The following SLC45A1 variants were observed in gnomAD, a reference collection of about 807,000 sequenced individuals.
SLC45A1 encodes the protein proton-associated sugar transporter A.
A neutral mutation model predicts 57.6 loss-of-function variants in SLC45A1; 28 were observed. That is an observed-to-expected ratio of 0.49 (90% CI 0.36 to 0.67). The LOEUF (loss-of-function observed/expected upper bound fraction) is 0.67, where lower values mean the gene tolerates loss of function less well. Ranked by LOEUF, SLC45A1 falls within the 30% of genes least tolerant of loss-of-function variation. The pLI, the probability that SLC45A1 is intolerant of heterozygous loss-of-function variation, is 0.00. For synonymous variants in SLC45A1, 459 were observed against 471.5 expected (o/e 0.97, Z 0.34); for missense variants, 814 against 1,041.5 (o/e 0.78, Z 3.01).
intron 1 of SLC45A1, 52 bp from the exon 2 acceptor site, chr1:8,324,248 TGGGGGA>T: frequency 6.8e-7 from 1 of 1,460,518 alleles, no homozygotes; most frequent in South Asian, 1.3e-5. Context: ...ACTCAAATGT[TGGGGGA>T]GGACTACCCA....
intron 1 of SLC45A1, among the ~76,000 whole-genome samples, chr1:8,319,455 C>T (rs541758262): frequency 4.6e-5 from 7 of 152,224 alleles, no homozygotes; most frequent in South Asian, 2.1e-4. Context: ...AATCATTTGC[C>T]GCTTAAACTT....
chr1:8,330,378 G>T lies in SLC45A1; in HGVS notation c.885G>T (p.Pro295=), dbSNP rs547186750. 6.2e-7 allele frequency: 1 copy of T among 1,612,934 alleles called. No homozygotes were observed. The highest frequency in any genetic ancestry group is 8.5e-7 in the Non-Finnish European group (1 of 1,179,958). The change falls in exon 5 of 9, where the codon CCG becomes CCT. Residue 295 remains proline (P), a synonymous_variant. Transcript: ENST00000471889. This position sits in a 1 kb window ranked among gnomAD's most constrained non-coding sequence, Gnocchi z 8.4. ...LVSIPERPLR[P]PSEKRAAMKS... ...GCATCCCTGAGAGGCCGCTGCGGCC[G>T]CCGAGTGAGAAGCGGGCAGCCATGA...
chr1:8,333,801 G>A (rs1160824675), intron 5 of SLC45A1, among the ~76,000 whole-genome samples: 3 of 152,174 alleles, frequency 2.0e-5, no homozygotes, highest in African/African-American at 7.2e-5. Context: ...GTGTGGCCGG[G>A]GTGTCTTCAC....
At chr1:8,329,498 G>A (rs911154814) in intron 4 of SLC45A1, among the ~76,000 whole-genome samples, 1 of 152,252 alleles carries the variant, frequency 6.6e-6, no homozygotes, top group Non-Finnish European at 1.5e-5. Context: ...GAGCCTGGCT[G>A]GAAGAAGCTG....
intron 8 of SLC45A1, among the ~76,000 whole-genome samples, chr1:8,340,405 G>A (rs111990648): frequency 0.055 from 8,334 of 151,916 alleles, 429 homozygotes; most frequent in African/African-American, 0.14. Flanking sequence ...CTCATGATCC[G>A]CCCGCCTCAG....
intron 8 of SLC45A1, 101 bp downstream of exon 8, chr1:8,339,799 C>CA (rs1358758449): frequency 6.2e-6 from 7 of 1,136,852 alleles, no homozygotes; most frequent in Non-Finnish European, 9.3e-6. Flanking sequence ...GAGCCCGGTG[C>CA]AAAATGTCAA....
chr1:8,344,100 C>A lies in SLC45A1; in HGVS notation c.*87C>A. Reference sequence around the variant, plus strand: ...GTGAGGACCAAAGGGCCTTGTTGGACAGGGGGACTGGCTGCCTACTGGAAT... The same window carrying A: ...GTGAGGACCAAAGGGCCTTGTTGGAAAGGGGGACTGGCTGCCTACTGGAAT... On this transcript the variant is annotated 3_prime_UTR_variant, in exon 9 of 9. Transcript: ENST00000471889. 8.0e-7 allele frequency: 1 copy of A among 1,250,614 alleles called. No homozygotes were observed. The highest frequency in any genetic ancestry group is 1.1e-6 in the Non-Finnish European group (1 of 907,250). 77.5% of individuals were successfully genotyped at this position (1,250,614 alleles called of 1,614,324 possible). A position where few individuals can be genotyped will look rare whatever the true frequency, so the allele number is the denominator to read the frequency against.
chr1:8,341,732 G>A (rs1640824533), intron 8 of SLC45A1, among the ~76,000 whole-genome samples: 4 of 150,148 alleles, frequency 2.7e-5, no homozygotes. Context: ...AGATCAGCCT[G>A]GCCAACATGA....
In SLC45A1 at chr1:8,324,482, G is replaced by A. The variant is rs779227827; in HGVS notation, c.153G>A (p.Lys51=). The change falls in exon 2 of 9, where the codon AAG becomes AAA. Residue 51 remains lysine, a synonymous_variant. Coordinates refer to ENST00000471889, the MANE Select transcript of SLC45A1 (RefSeq NM_001080397.3). ...HRANNFKRHP[K]RRKCIRPSPP... ...CCAACAACTTCAAACGACACCCCAA[G>A]AGGAGGAAGTGCATTCGTCCCTCCC... 3.1e-6 allele frequency: 5 copies of A among 1,612,638 alleles called. No individual in the cohort carries two copies. Among genetic ancestry groups the A allele is most frequent in the Non-Finnish European group, 8.5e-7 (1 of 1,179,872 alleles).
At chr1:8,339,858 G>C (rs917510292) in intron 8 of SLC45A1, among the ~76,000 whole-genome samples, 160 bp downstream of exon 8, 1 of 152,214 alleles carries the variant, frequency 6.6e-6, no homozygotes, top group Non-Finnish European at 1.5e-5. Context: ...CTGAGTCTGG[G>C]GCGTGCCCCC....
At position 8,340,353 on chromosome 1, in the gene SLC45A1, G is replaced by A. The variant is rs1020166357; in HGVS notation, c.1980+655G>A. 5.9e-5 allele frequency among the ~76,000 whole-genome samples: 9 copies of A among 152,056 alleles called. No individual in the cohort carries two copies. The South Asian group carries it at 1.7e-3, about 28-fold the overall frequency. ...AATTTTTTGTATTTTTAGTAGAGAC[G>A]GGGTTTCACCATGTTGGTCAGGCTG... is the stretch of plus-strand genomic sequence containing the variant. On this transcript the variant is annotated intron_variant, in intron 8 of 8. Transcript: ENST00000471889.
rs572164279 is a variant in SLC45A1, at chr1:8,344,007, C to T, written c.2241C>T (p.Asn747=). ...ADEEHRPLLL[N]V ...AGGAGCACCGGCCCCTCCTGCTGAA[C>T]GTCTGACATCGCGGAGCCTCGACTC... is the stretch of plus-strand genomic sequence containing the variant. Residue 747 remains asparagine (N), a synonymous_variant, in exon 9 of 9, where the codon AAC becomes AAT. Coordinates refer to ENST00000471889, the MANE Select transcript of SLC45A1 (RefSeq NM_001080397.3). 325 of 1,604,974 alleles carry T rather than the reference C, an allele frequency of 2.0e-4. 2 individuals are homozygous for T. In the South Asian group the frequency reaches 3.1e-3, roughly 15 times the overall value.
chr1:8,325,873 G>C lies in SLC45A1; in HGVS notation c.546G>C (p.Leu182=). The change falls in exon 4 of 9, where the codon CTG becomes CTC. Residue 182 remains leucine, a synonymous_variant. Transcript: ENST00000471889. The surrounding 1 kb of genome is among the most constrained non-coding windows in gnomAD (Gnocchi z 6.3). ...ATGGCCGGGACATTGGCATCGCCCT[G>C]GCTGACGTGACCGGGAACCACAAGT... is the stretch of plus-strand genomic sequence containing the variant. ...LLNGRDIGIA[L]ADVTGNHKWG... The C allele has an allele frequency of 6.2e-7, 1 of 1,613,978 alleles. No homozygotes were observed. Among genetic ancestry groups the C allele is most frequent in the Non-Finnish European group, 8.5e-7 (1 of 1,180,040 alleles).
Position 8,324,713 on chromosome 1 carries a change from C to T in SLC45A1, c.384C>T (p.Ile128=), listed in dbSNP as rs1392931263. 5.7e-6 allele frequency: 9 copies of T among 1,588,006 alleles called. No homozygotes were observed. Among genetic ancestry groups the T allele is most frequent in the Non-Finnish European group, 6.9e-6 (8 of 1,166,340 alleles). ...AGCTCTACAGCCTGGTGTGGTTCATCAGCCCCATCCTCGGTGAGCCCCGGC... is the reference window on the plus strand; with the variant it reads ...AGCTCTACAGCCTGGTGTGGTTCATTAGCCCCATCCTCGGTGAGCCCCGGC... ...PDQLYSLVWF[I]SPILGFLLQP... The change falls in exon 2 of 9, where the codon ATC becomes ATT. Residue 128 remains isoleucine (I), a synonymous_variant. Transcript: ENST00000471889.
At position 8,319,387 on chromosome 1, in the gene SLC45A1, C is replaced by T. The variant is rs112780357; in HGVS notation, c.-25+1201C>T. Among the ~76,000 whole-genome samples the T allele has an allele frequency of 8.1e-4, 123 of 152,300 alleles. 2 individuals carry two copies. The highest frequency in any genetic ancestry group is 2.7e-3 in the African/African-American group (112 of 41,588). On this transcript the variant is annotated intron_variant, in intron 1 of 8. Coordinates refer to ENST00000471889, the MANE Select transcript of SLC45A1 (RefSeq NM_001080397.3). ...AAGAAAGAAATGAGGAAATGGTTTC[C>T]GCTCGTAGTAGGATCATTGTAAGCA... is the stretch of plus-strand genomic sequence containing the variant.
chr1:8,329,928 C>A (rs1640329135), intron 4 of SLC45A1, among the ~76,000 whole-genome samples: 1 of 152,098 alleles, frequency 6.6e-6, no homozygotes, highest in South Asian at 2.1e-4. Context: ...GTGGAACAGG[C>A]AGGAAGTGGA....
chr1:8,332,511 ATTT>A (rs746223378), intron 5 of SLC45A1, among the ~76,000 whole-genome samples: 3 of 138,010 alleles, frequency 2.2e-5, no homozygotes. Flanking sequence ...TCACGGGCTG[ATTT>A]TTTTTTTTTT....
At position 8,336,542 on chromosome 1, in the gene SLC45A1, T is replaced by C. The variant is rs534904779; in HGVS notation, c.1597+952T>C. Among the ~76,000 whole-genome samples, 6 of 152,326 alleles carry C rather than the reference T, an allele frequency of 3.9e-5. No individual in the cohort carries two copies. The East Asian group carries it at 1.2e-3, about 29-fold the overall frequency. ...AAAATGGTCCTACCTTTTTCCCCTA[T>C]GACCTTACTCAGTATTCCATGCAAG... On this transcript the variant is annotated intron_variant, in intron 6 of 8. Transcript: ENST00000471889.
At chr1:8,319,861 C>T (rs967402157) in intron 1 of SLC45A1, among the ~76,000 whole-genome samples, 1 of 152,178 alleles carries the variant, frequency 6.6e-6, no homozygotes, top group Admixed American at 6.5e-5. Flanking sequence ...GGATTACAGG[C>T]ACTCGCCACC....
Sources: allele counts gnomAD v4.1 joint callset (sites outside exome capture counted in the v4.1 genomes callset), GRCh38; gene constraint gnomAD v4.1.1; non-coding constraint Gnocchi (gnomAD v3.1); transcripts MANE v1.5; gene names NCBI Gene and HGNC (gene_info 2026-07-23, HGNC 2026-07-21).